Variants in MAP3K19 observed in about 807,000 individuals in gnomAD.
MAP3K19 encodes SPS1/STE20-related protein kinase YSK4.
In MAP3K19, 91 loss-of-function variants were observed where a neutral mutation model predicts 114.4. The ratio of observed to expected loss-of-function variants is 0.80; its 90% CI spans 0.67 to 0.95. The LOEUF is 0.95. Among genes scored for constraint, MAP3K19 ranks in the 40% least tolerant of loss-of-function variants. The pLI, the probability that MAP3K19 is intolerant of heterozygous loss-of-function variation, is 0.00. For synonymous variants in MAP3K19, 518 were observed against 530.5 expected (o/e 0.98, Z 0.32); for missense variants, 1,471 against 1,573.2 (o/e 0.94, Z 1.10).
intron 4 of MAP3K19, among the ~76,000 whole-genome samples, chr2:135,022,093 G>A (rs908918590): frequency 1.3e-5 from 2 of 152,070 alleles, no homozygotes; most frequent in African/African-American, 2.4e-5. Flanking sequence ...AAATCAAACA[G>A]GTAGTTTGAG....
intron 12 of MAP3K19, among the ~76,000 whole-genome samples, chr2:134,980,551 A>C (rs1210598051): frequency 6.6e-6 from 1 of 152,208 alleles, no homozygotes; most frequent in Non-Finnish European, 1.5e-5. Flanking sequence ...AAATTTTGCA[A>C]ACCCATTGAT....
chr2:134,969,887 T>G (rs778102869), intron 12 of MAP3K19, among the ~76,000 whole-genome samples: 14 of 152,198 alleles, frequency 9.2e-5, no homozygotes, highest in Non-Finnish European at 1.9e-4. Flanking sequence ...CCAGTATATG[T>G]TCTTGGTCCC....
At chr2:134,977,213 A>C (rs1399970229) in intron 12 of MAP3K19, among the ~76,000 whole-genome samples, 4 of 146,592 alleles carry the variant, frequency 2.7e-5, no homozygotes, top group African/African-American at 7.7e-5. Context: ...ACAGGGTCTC[A>C]TTCTGTTGCC....
intron 6 of MAP3K19, among the ~76,000 whole-genome samples, chr2:135,001,303 A>G (rs1686426739): frequency 6.6e-6 from 1 of 152,208 alleles, no homozygotes; most frequent in Non-Finnish European, 1.5e-5. Flanking sequence ...CATGTTTTCT[A>G]ATACTATACA....
chr2:134,992,701 G>A (rs1040764561), intron 8 of MAP3K19, among the ~76,000 whole-genome samples: 5 of 150,878 alleles, frequency 3.3e-5, no homozygotes, highest in South Asian at 2.1e-4. Context: ...ACAGGGTCTC[G>A]CTCTGTCGCC....
At chr2:134,997,958 T>C (rs892093561) in intron 8 of MAP3K19, among the ~76,000 whole-genome samples, 4 of 152,184 alleles carry the variant, frequency 2.6e-5, no homozygotes, top group African/African-American at 9.7e-5. Flanking sequence ...GTCTCCCTCA[T>C]TGTGATAAAT....
intron 2 of MAP3K19, among the ~76,000 whole-genome samples, chr2:135,039,507 T>TGG (rs1688605453): frequency 6.6e-6 from 1 of 152,068 alleles, no homozygotes; most frequent in African/African-American, 2.4e-5. Flanking sequence ...CACCTGAGTC[T>TGG]GGGCAGGTTG....
intron 6 of MAP3K19, among the ~76,000 whole-genome samples, chr2:135,004,601 C>T (rs1250762304): frequency 6.6e-6 from 1 of 152,210 alleles, no homozygotes; most frequent in African/African-American, 2.4e-5. Flanking sequence ...TTCAAATAAA[C>T]ATTTACTTTA....
chr2:135,030,846 C>A (rs1688362340), intron 2 of MAP3K19, among the ~76,000 whole-genome samples: 1 of 152,130 alleles, frequency 6.6e-6, no homozygotes, highest in African/African-American at 2.4e-5. Flanking sequence ...CACTTGAGCC[C>A]AGGAGTTCAA....
At position 135,024,615 on chromosome 2, in the gene MAP3K19, A is replaced by G. The variant is rs1360616288; in HGVS notation, c.22+11T>C. ...GTTGGGAAATTATGCATGTGGAGTGAAAGTATTTACCTGGTTTTGGCATAG... is the reference window on the plus strand; with the variant it reads ...GTTGGGAAATTATGCATGTGGAGTGGAAGTATTTACCTGGTTTTGGCATAG... On this transcript the variant is annotated intron_variant, in intron 4 of 12. Coordinates refer to ENST00000392915, the MANE Select transcript of MAP3K19 (RefSeq NM_025052.5). 2 of 1,612,834 alleles carry G rather than the reference A, an allele frequency of 1.2e-6. No individual in the cohort carries two copies. The highest frequency in any genetic ancestry group is 8.5e-7 in the Non-Finnish European group (1 of 1,178,886).
Position 135,033,396 on chromosome 2 carries a change from C to T in MAP3K19, c.-283-2896G>A, listed in dbSNP as rs1219806760. 1.8e-4 allele frequency among the ~76,000 whole-genome samples: 20 copies of T among 112,046 alleles called. 3 individuals are homozygous for T. Among genetic ancestry groups the T allele is most frequent in the East Asian group, 6.0e-4 (2 of 3,358 alleles). 73.5% of individuals were successfully genotyped at this position (112,046 alleles called of 152,430 possible). A position where few individuals can be genotyped will look rare whatever the true frequency, so the allele number is the denominator to read the frequency against. On this transcript the variant is annotated intron_variant, in intron 2 of 12. Transcript: ENST00000392915. ...TGACCCCCCCCACTGCCCTCCCGGACGGGGCGGCTGGCCGGGCAGAGGGGA... is the reference window on the plus strand; with the variant it reads ...TGACCCCCCCCACTGCCCTCCCGGATGGGGCGGCTGGCCGGGCAGAGGGGA...
chr2:134,967,252 C>T (rs768981579), intron 12 of MAP3K19, among the ~76,000 whole-genome samples: 3 of 152,128 alleles, frequency 2.0e-5, no homozygotes, highest in Admixed American at 6.5e-5. Context: ...TTGAAAGCGC[C>T]GTATTGTCCA....
At chr2:135,012,517 C>G (rs983469153) in intron 5 of MAP3K19, among the ~76,000 whole-genome samples, 1 of 152,020 alleles carries the variant, frequency 6.6e-6, no homozygotes. Context: ...TTGATTTAAC[C>G]GTTTATTTTT....
chr2:134,983,253 A>G (rs774308432), intron 11 of MAP3K19: 2 of 535,156 alleles, frequency 3.7e-6, no homozygotes, highest in Non-Finnish European at 3.8e-6. Flanking sequence ...TGTTTTTGCC[A>G]TCTAGTAATG....
intron 10 of MAP3K19, among the ~76,000 whole-genome samples, chr2:134,985,257 C>T (rs572210519): frequency 3.9e-5 from 6 of 152,322 alleles, no homozygotes; most frequent in African/African-American, 1.2e-4. Flanking sequence ...TAGTTCTTGG[C>T]CCACTGCCAG....
At chr2:134,977,652 G>A (rs1684338653) in intron 12 of MAP3K19, among the ~76,000 whole-genome samples, 1 of 151,964 alleles carries the variant, frequency 6.6e-6, no homozygotes, top group Non-Finnish European at 1.5e-5. Flanking sequence ...GTGAGCCACC[G>A]CGCCCGGCTA....
intron 11 of MAP3K19, chr2:134,983,052 T>C (rs773848367): frequency 5.4e-6 from 2 of 371,536 alleles, no homozygotes; most frequent in Non-Finnish European, 1.1e-5. Flanking sequence ...ATTTTCTTTG[T>C]GTTGGGGGCA....
rs1192916845 is a variant in MAP3K19, at chr2:134,999,608, C to CA, written c.314+328dup. ...CCACATTCTAAGTAGCTCTGCCCTG[C>CA]AGTAGGGTCAGCAAACTACAGCCCG... On this transcript the variant is annotated intron_variant, in intron 7 of 12. Transcript: ENST00000392915. This position sits in a 1 kb window ranked among gnomAD's most constrained non-coding sequence, Gnocchi z 4.1. Among the ~76,000 whole-genome samples the CA allele has an allele frequency of 6.6e-6, 1 of 152,196 alleles. No homozygotes were observed. Among genetic ancestry groups the CA allele is most frequent in the African/African-American group, 2.4e-5 (1 of 41,452 alleles).
Position 134,999,327 on chromosome 2 carries a change from G to A in MAP3K19, c.315-330C>T, listed in dbSNP as rs773128231. 6.6e-6 allele frequency among the ~76,000 whole-genome samples: 1 copy of A among 152,164 alleles called. No individual in the cohort carries two copies. Among genetic ancestry groups the A allele is most frequent in the Admixed American group, 6.5e-5 (1 of 15,282 alleles). Reference sequence around the variant, plus strand: ...ATCTCCACAGGTACTGACTAGCCCAGTGTTTCTCAAACTATTTTTGATGAA... The same window carrying A: ...ATCTCCACAGGTACTGACTAGCCCAATGTTTCTCAAACTATTTTTGATGAA... On this transcript the variant is annotated intron_variant, in intron 7 of 12. Transcript: ENST00000392915. The surrounding 1 kb of genome is among the most constrained non-coding windows in gnomAD (Gnocchi z 4.1).
Sources: gnomAD v4.1 joint callset for allele counts (sites outside exome capture counted in the v4.1 genomes callset) on GRCh38, gnomAD v4.1.1 for gene constraint, Gnocchi (gnomAD v3.1) non-coding constraint, MANE v1.5 for transcripts, NCBI Gene and HGNC (gene_info 2026-07-23, HGNC 2026-07-21) for gene names.